The following TAFA2 variants were observed in gnomAD, a reference collection of about 807,000 sequenced individuals.
TAFA2 encodes the protein TAFA chemokine like family member 2.
Under a neutral mutation model 18.8 loss-of-function variants are expected in TAFA2, and 7 were observed. The ratio of observed to expected loss-of-function variants is 0.37; its 90% CI spans 0.21 to 0.70. The LOEUF is 0.70. Among genes scored for constraint, TAFA2 ranks in the 30% least tolerant of loss-of-function variants. The pLI, the probability that TAFA2 is intolerant of heterozygous loss-of-function variation, is 0.53. For synonymous variants in TAFA2, 60 were observed against 54.2 expected, an observed-to-expected ratio of 1.11 and a Z score of -0.47; for missense variants, 122 against 158.1, an observed-to-expected ratio of 0.77 and a Z score of 1.23.
intron 1 of TAFA2, among the ~76,000 whole-genome samples, chr12:62,085,927 G>A (rs181814847): frequency 6.6e-6 from 1 of 152,006 alleles, no homozygotes; most frequent in Admixed American, 6.6e-5. Flanking sequence ...GAGATCTGAT[G>A]GTTTAAAAGA....
intron 2 of TAFA2, among the ~76,000 whole-genome samples, chr12:61,856,926 C>T (rs962079586): frequency 9.9e-5 from 15 of 151,520 alleles, no homozygotes; most frequent in Non-Finnish European, 1.8e-4. Flanking sequence ...TAAAGAAATG[C>T]TCACAAAAAG....
At chr12:61,852,532 G>A (rs1349206384) in intron 2 of TAFA2, among the ~76,000 whole-genome samples, 1 of 152,212 alleles carries the variant, frequency 6.6e-6, no homozygotes, top group Non-Finnish European at 1.5e-5. Flanking sequence ...AGATCCAGGG[G>A]TAGGAATATC....
intron 1 of TAFA2, among the ~76,000 whole-genome samples, chr12:62,147,775 A>T (rs1406512647): frequency 6.6e-6 from 1 of 151,638 alleles, no homozygotes; most frequent in African/African-American, 2.4e-5. Context: ...GAATAAACAG[A>T]CAACCTACAG....
intron 1 of TAFA2, among the ~76,000 whole-genome samples, chr12:62,095,113 G>A (rs376846278): frequency 3.9e-5 from 6 of 151,908 alleles, no homozygotes; most frequent in African/African-American, 7.3e-5. Flanking sequence ...AGTGTCCTTC[G>A]TAGGACACTT....
intron 1 of TAFA2, among the ~76,000 whole-genome samples, chr12:62,216,098 T>C (rs2062734821): frequency 6.6e-6 from 1 of 152,132 alleles, no homozygotes; most frequent in Admixed American, 6.5e-5. Flanking sequence ...AGAGTCTGAG[T>C]TGACACTAAA....
At chr12:62,029,908 A>G (rs1295570830) in intron 1 of TAFA2, among the ~76,000 whole-genome samples, 2 of 152,094 alleles carry the variant, frequency 1.3e-5, no homozygotes, top group Non-Finnish European at 2.9e-5. Context: ...CAAGATAAGG[A>G]TAGCAACATT....
chr12:62,116,211 C>A (rs1237914857), intron 1 of TAFA2, among the ~76,000 whole-genome samples: 1 of 152,170 alleles, frequency 6.6e-6, no homozygotes, highest in East Asian at 1.9e-4. Context: ...AGATAGCTAT[C>A]TTTCACAGCA....
chr12:62,123,689 A>T (rs1245354), intron 1 of TAFA2, among the ~76,000 whole-genome samples: 12 of 638 alleles, frequency 0.019, no homozygotes, highest in East Asian at 0.05. Context: ...CCTCTCTCTC[A>T]CACACACACA....
At chr12:62,028,238 C>T (rs1020340225) in intron 1 of TAFA2, among the ~76,000 whole-genome samples, 2 of 152,096 alleles carry the variant, frequency 1.3e-5, no homozygotes, top group Non-Finnish European at 2.9e-5. Context: ...TAGCCTGGCC[C>T]TCTCCTGTGG....
At chr12:61,862,235 AG>A (rs1565660112) in intron 2 of TAFA2, among the ~76,000 whole-genome samples, 1 of 152,148 alleles carries the variant, frequency 6.6e-6, no homozygotes, top group Non-Finnish European at 1.5e-5. Context: ...ATTGCTTCCA[AG>A]GGGGAAACAC....
intron 2 of TAFA2, among the ~76,000 whole-genome samples, chr12:61,769,183 A>C (rs1357015971): frequency 3.3e-5 from 5 of 151,454 alleles, no homozygotes; most frequent in Admixed American, 1.3e-4. Flanking sequence ...AAGCAGCTGC[A>C]GTAAGACCCA....
intron 1 of TAFA2, among the ~76,000 whole-genome samples, chr12:61,951,860 A>T (rs2121453732): frequency 6.6e-6 from 1 of 150,792 alleles, no homozygotes; most frequent in South Asian, 2.1e-4. Context: ...CTTTAGTCTG[A>T]GCTGTCTGTA....
chr12:61,797,131 T>A (rs1871219732), intron 2 of TAFA2, among the ~76,000 whole-genome samples: 1 of 152,168 alleles, frequency 6.6e-6, no homozygotes, highest in Non-Finnish European at 1.5e-5. Context: ...GCCTATTTAG[T>A]CCAATTGGTT....
chr12:62,245,315 C>G (rs2062879883), intron 1 of TAFA2, among the ~76,000 whole-genome samples: 1 of 151,954 alleles, frequency 6.6e-6, no homozygotes, highest in African/African-American at 2.4e-5. Flanking sequence ...TAATTGCAAG[C>G]TCTCAATTTC....
chr12:61,977,901 G>C (rs1334538463), intron 1 of TAFA2, among the ~76,000 whole-genome samples: 1 of 105,056 alleles, frequency 9.5e-6, no homozygotes, highest in African/African-American at 3.5e-5. Context: ...AAGGGGAGAG[G>C]ATAGGAAATA....
intron 1 of TAFA2, among the ~76,000 whole-genome samples, chr12:62,184,474 G>C (rs1382963059): frequency 6.7e-6 from 1 of 148,708 alleles, no homozygotes; most frequent in Non-Finnish European, 1.5e-5. Flanking sequence ...ATACTTAGTG[G>C]GTCTGAACAC....
intron 2 of TAFA2, among the ~76,000 whole-genome samples, chr12:61,762,651 A>T (rs1869607691): frequency 6.7e-6 from 1 of 150,274 alleles, no homozygotes; most frequent in South Asian, 2.1e-4. Context: ...ATATATATAT[A>T]CATACACATA....
chr12:61,880,512 G>C lies in TAFA2; in HGVS notation c.-1-13086C>G, dbSNP rs1213778981. The C allele has an allele frequency of 9.6e-6, 5 of 521,884 alleles. No homozygotes were observed. The East Asian group carries it at 2.7e-4, about 28-fold the overall frequency. 32.3% of individuals were successfully genotyped at this position (521,884 alleles called of 1,614,324 possible). ...GCCACCTACAAGAAGCTGCTGGAGG[G>C]TGAAGAGAGCTGGCAAGAGTCTAGG... On this transcript the variant is annotated intron_variant, in intron 1 of 4. Transcript: ENST00000416284.
rs892468292 is a variant in TAFA2 at position 61,753,537 on chromosome 12, T to C, written c.384+85A>G. The C allele has an allele frequency of 7.2e-6, 9 of 1,248,782 alleles. No homozygotes were observed. The African/African-American group carries it at 7.5e-5, about 10-fold the overall frequency. 77.4% of individuals were successfully genotyped at this position (1,248,782 alleles called of 1,614,324 possible). On this transcript the variant is annotated intron_variant, in intron 4 of 4. Coordinates refer to ENST00000416284, the MANE Select transcript of TAFA2 (RefSeq NM_178539.5). ...AAAACTATACTCTTCCATTCCACAATTGCCACTTAAATTGGTTACTGCACA... is the reference window on the plus strand; with the variant it reads ...AAAACTATACTCTTCCATTCCACAACTGCCACTTAAATTGGTTACTGCACA...
Sources: allele counts gnomAD v4.1 joint callset (sites outside exome capture counted in the v4.1 genomes callset), GRCh38; gene constraint gnomAD v4.1.1; transcripts MANE v1.5; gene names NCBI Gene and HGNC (gene_info 2026-07-23, HGNC 2026-07-21).